RUNX1T1: variants seen among roughly 807,000 people sequenced by gnomAD.
RUNX1T1 encodes the protein protein CBFA2T1.
A neutral mutation model predicts 62.8 loss-of-function variants in RUNX1T1; 4 were observed. The observed-to-expected ratio is 0.06, with a 90% CI of 0.03 to 0.15. The LOEUF is 0.15. RUNX1T1 is among the 10% of genes least tolerant of loss of function. The pLI, the probability that RUNX1T1 is intolerant of heterozygous loss-of-function variation, is 1.00. For synonymous variants in RUNX1T1, 291 were observed against 286.0 expected (o/e 1.02, Z -0.18); for missense variants, 508 against 754.3 (o/e 0.67, Z 3.82).
intron 4 of RUNX1T1, among the ~76,000 whole-genome samples, chr8:92,009,082 T>C (rs532515807): frequency 6.6e-6 from 1 of 152,290 alleles, no homozygotes; most frequent in Admixed American, 6.5e-5. Flanking sequence ...TTTAAACGTA[T>C]GGATGGTACA....
intron 1 of RUNX1T1, among the ~76,000 whole-genome samples, chr8:92,019,675 C>T (rs1446497530): frequency 2.0e-5 from 3 of 151,886 alleles, no homozygotes; most frequent in Non-Finnish European, 2.9e-5. Context: ...TAAAATAGAC[C>T]ACCCTAAAAA....
chr8:92,030,646 CTT>C (rs979793980), intron 1 of RUNX1T1, among the ~76,000 whole-genome samples: 5 of 152,210 alleles, frequency 3.3e-5, no homozygotes, highest in Non-Finnish European at 5.9e-5. Flanking sequence ...AAGACCAACT[CTT>C]TTGTGGTTAA....
At chr8:92,010,566 A>T (rs914018135) in intron 4 of RUNX1T1, 1 of 154,490 alleles carries the variant, frequency 6.5e-6, no homozygotes, top group Admixed American at 6.5e-5. Context: ...CACCTTGGAC[A>T]TGTCACTTAC....
chr8:92,051,602 A>ACT (rs34298111), intron 1 of RUNX1T1, among the ~76,000 whole-genome samples: 31,017 of 140,530 alleles, frequency 0.22, 3,178 homozygotes, highest in African/African-American at 0.25. Context: ...ACACACACAC[A>ACT]CTCTCTCTCT....
At chr8:92,014,906 C>T in intron 2 of RUNX1T1, 86 bp from the exon 4 acceptor site, 3 of 1,315,540 alleles carry the variant, frequency 2.3e-6, no homozygotes, top group Non-Finnish European at 3.1e-6. Context: ...CTACCTTTTA[C>T]ATCTACTAGT....
chr8:92,028,342 T>C (rs1825649015), intron 1 of RUNX1T1, among the ~76,000 whole-genome samples: 1 of 152,082 alleles, frequency 6.6e-6, no homozygotes, highest in Admixed American at 6.6e-5. Context: ...AGATCTGCTG[T>C]CATTGGAATA....
At chr8:91,958,617 A>G (rs1377078934), downstream of RUNX1T1, 2 of 182,368 alleles carry the variant, frequency 1.1e-5, no homozygotes, top group African/African-American at 4.7e-5. Context: ...TATTTTTTTA[A>G]AAAAGTCCCT....
intron 3 of RUNX1T1, among the ~76,000 whole-genome samples, chr8:92,012,049 G>C (rs1331512901): frequency 1.3e-5 from 2 of 152,040 alleles, no homozygotes; most frequent in Non-Finnish European, 2.9e-5. Context: ...TTACAATATT[G>C]CTCCACCCAC....
At chr8:92,041,960 A>G (rs1828552735) in intron 1 of RUNX1T1, among the ~76,000 whole-genome samples, 1 of 151,698 alleles carries the variant, frequency 6.6e-6, no homozygotes, top group Non-Finnish European at 1.5e-5. Flanking sequence ...CTGGGATTAC[A>G]GGCAACCACC....
chr8:91,988,529 T>C (rs1817023820), intron 6 of RUNX1T1, among the ~76,000 whole-genome samples: 1 of 152,162 alleles, frequency 6.6e-6, no homozygotes, highest in Admixed American at 6.5e-5. Context: ...AAACCACTAC[T>C]GTTAAAATTA....
At chr8:92,086,790 C>T (rs1331858734) in intron 1 of RUNX1T1, among the ~76,000 whole-genome samples, 2 of 152,208 alleles carry the variant, frequency 1.3e-5, no homozygotes, top group Non-Finnish European at 2.9e-5. Flanking sequence ...TATCCAAGTG[C>T]TAATTATTTT....
At chr8:91,976,349 TG>T (rs1317722341) in intron 8 of RUNX1T1, among the ~76,000 whole-genome samples, 1 of 152,192 alleles carries the variant, frequency 6.6e-6, no homozygotes, top group African/African-American at 2.4e-5. Flanking sequence ...GTCAAACTGG[TG>T]GTTAAACAAT....
At chr8:92,094,688 C>A (rs990400646) in intron 1 of RUNX1T1, among the ~76,000 whole-genome samples, 1 of 152,084 alleles carries the variant, frequency 6.6e-6, no homozygotes, top group Non-Finnish European at 1.5e-5. Flanking sequence ...TTCATCAATC[C>A]TAAATGCAAG....
chr8:92,078,855 G>A (rs188499798), intron 1 of RUNX1T1, among the ~76,000 whole-genome samples: 6 of 152,120 alleles, frequency 3.9e-5, no homozygotes, highest in African/African-American at 1.4e-4. Context: ...AACCATATGC[G>A]CAATGTATTT....
At chr8:92,050,813 C>A (rs1381915958) in intron 1 of RUNX1T1, among the ~76,000 whole-genome samples, 1 of 152,188 alleles carries the variant, frequency 6.6e-6, no homozygotes, top group African/African-American at 2.4e-5. Context: ...GCTTAACCCT[C>A]TGATGGCTTC....
chr8:92,027,571 A>C (rs1384262843), intron 1 of RUNX1T1, among the ~76,000 whole-genome samples: 1 of 152,190 alleles, frequency 6.6e-6, no homozygotes, highest in Non-Finnish European at 1.5e-5. Flanking sequence ...AAGATATGTA[A>C]GCTATGAGCT....
chr8:92,008,027 T>G (rs1213540796), intron 4 of RUNX1T1, among the ~76,000 whole-genome samples: 1 of 151,744 alleles, frequency 6.6e-6, no homozygotes, highest in Non-Finnish European at 1.5e-5. Flanking sequence ...AAAATATGAT[T>G]TATAATCTTA....
intron 1 of RUNX1T1, among the ~76,000 whole-genome samples, chr8:92,028,711 A>C (rs1163595535): frequency 2.0e-5 from 3 of 152,230 alleles, no homozygotes; most frequent in Non-Finnish European, 2.9e-5. Flanking sequence ...GGTTAACAAT[A>C]CTTAGGAAGG....
At chr8:91,977,093 A>T (rs959619673) in intron 8 of RUNX1T1, 4 of 194,056 alleles carry the variant, frequency 2.1e-5, no homozygotes, top group African/African-American at 6.9e-5. Flanking sequence ...AGTTTAGCTA[A>T]GTATATGTTG....
Sources: allele counts gnomAD v4.1 joint callset (sites outside exome capture counted in the v4.1 genomes callset), GRCh38; gene constraint gnomAD v4.1.1; transcripts MANE v1.5; gene names NCBI Gene and HGNC (gene_info 2026-07-23, HGNC 2026-07-21).